The following CRADD variants were observed in gnomAD, a reference collection of about 807,000 sequenced individuals.
CRADD encodes the protein death domain-containing protein CRADD.
A neutral mutation model predicts 15.5 loss-of-function variants in CRADD; 9 were observed. That is an observed-to-expected ratio of 0.58 (90% CI 0.35 to 1.01). CRADD has a LOEUF of 1.01. Ranked by LOEUF, CRADD falls within the 50% of genes least tolerant of loss-of-function variation. The pLI, the probability that CRADD is intolerant of heterozygous loss-of-function variation, is 0.02. For missense variants in CRADD, 227 were observed against 250.3 expected, an observed-to-expected ratio of 0.91 and a Z score of 0.63; for synonymous variants, 118 against 107.6, an observed-to-expected ratio of 1.10 and a Z score of -0.60.
At chr12:93,887,366 G>C (rs536140400) in intron 2 of CRADD, among the ~76,000 whole-genome samples, 70 of 152,302 alleles carry the variant, frequency 4.6e-4, no homozygotes, top group African/African-American at 1.6e-3. Context: ...CTCAATGCCA[G>C]GGCCGCTAAC....
chr12:93,692,190 A>G (rs958143260), intron 2 of CRADD, among the ~76,000 whole-genome samples: 5 of 152,192 alleles, frequency 3.3e-5, no homozygotes, highest in African/African-American at 1.2e-4. Context: ...TGGAGGAGAA[A>G]AAGAATGAAA....
intron 2 of CRADD, among the ~76,000 whole-genome samples, chr12:93,794,136 C>T (rs968602764): frequency 6.6e-6 from 1 of 152,166 alleles, no homozygotes; most frequent in Non-Finnish European, 1.5e-5. Flanking sequence ...TGTGCACCCA[C>T]ATGTTCTCAT....
At chr12:93,751,712 A>G (rs749814635) in intron 2 of CRADD, among the ~76,000 whole-genome samples, 25 of 152,252 alleles carry the variant, frequency 1.6e-4, no homozygotes, top group Non-Finnish European at 3.1e-4. Context: ...TAAAAATACA[A>G]AAATTAGCCA....
chr12:93,709,848 T>G (rs1170662867), intron 2 of CRADD, among the ~76,000 whole-genome samples: 1 of 152,204 alleles, frequency 6.6e-6, no homozygotes, highest in Non-Finnish European at 1.5e-5. Context: ...TTTCCACAAG[T>G]GGTTCATTTT....
At chr12:93,751,255 T>G (rs1956825877) in intron 2 of CRADD, among the ~76,000 whole-genome samples, 1 of 152,182 alleles carries the variant, frequency 6.6e-6, no homozygotes, top group Non-Finnish European at 1.5e-5. Context: ...CGTCAGGAAG[T>G]TCAGCCCTGG....
At chr12:93,893,531 ATTTG>A (rs1231219143) in intron 2 of CRADD, among the ~76,000 whole-genome samples, 2 of 152,216 alleles carry the variant, frequency 1.3e-5, no homozygotes, top group East Asian at 1.9e-4. Context: ...TTTCTAAAGC[ATTTG>A]TTTGTTTTAA....
intron 2 of CRADD, among the ~76,000 whole-genome samples, chr12:93,703,754 G>C (rs1264765403): frequency 6.6e-6 from 1 of 152,044 alleles, no homozygotes; most frequent in African/African-American, 2.4e-5. Context: ...CTTTCACTCA[G>C]CTTCCCCCAA....
intron 2 of CRADD, among the ~76,000 whole-genome samples, chr12:93,693,668 T>G (rs908160101): frequency 1.3e-5 from 2 of 152,032 alleles, no homozygotes; most frequent in Non-Finnish European, 2.9e-5. Context: ...ATACCCCACT[T>G]TCAGTAATGG....
chr12:93,794,465 G>A (rs1228510002), intron 2 of CRADD, among the ~76,000 whole-genome samples: 1 of 151,950 alleles, frequency 6.6e-6, no homozygotes, highest in Non-Finnish European at 1.5e-5. Flanking sequence ...CGAACCTTAG[G>A]CATCACCCTT....
chr12:93,887,619 G>T (rs1958547121), intron 2 of CRADD, among the ~76,000 whole-genome samples: 1 of 151,928 alleles, frequency 6.6e-6, no homozygotes, highest in South Asian at 2.1e-4. Context: ...AGTTTGATTT[G>T]CACATCTGAC....
At chr12:93,885,178 A>C (rs1314469346) in intron 2 of CRADD, among the ~76,000 whole-genome samples, 34 of 152,208 alleles carry the variant, frequency 2.2e-4, no homozygotes, top group Admixed American at 2.2e-3. Context: ...ACCATGACTG[A>C]AAATCCCAAC....
intron 2 of CRADD, among the ~76,000 whole-genome samples, chr12:93,822,236 C>T (rs1165053799): frequency 1.3e-5 from 2 of 152,116 alleles, no homozygotes; most frequent in East Asian, 3.9e-4. Flanking sequence ...TTACTGTGGA[C>T]AGCCAGAGCA....
chr12:93,830,656 G>A (rs1957885440), intron 2 of CRADD, among the ~76,000 whole-genome samples: 1 of 152,152 alleles, frequency 6.6e-6, no homozygotes, highest in Admixed American at 6.5e-5. Flanking sequence ...GCAACACTAA[G>A]TAGGTACTGA....
At chr12:93,695,447 T>C (rs1955680603) in intron 2 of CRADD, among the ~76,000 whole-genome samples, 2 of 151,970 alleles carry the variant, frequency 1.3e-5, no homozygotes, top group South Asian at 4.2e-4. Flanking sequence ...ACAAATACAA[T>C]AGACAAATGG....
At chr12:93,693,624 A>G (rs1473459924) in intron 2 of CRADD, among the ~76,000 whole-genome samples, 1 of 151,982 alleles carries the variant, frequency 6.6e-6, no homozygotes, top group Non-Finnish European at 1.5e-5. Context: ...GAAGGGGGAG[A>G]CAGACTAGAA....
intron 2 of CRADD, among the ~76,000 whole-genome samples, chr12:93,814,473 A>T (rs1565924323): frequency 6.6e-6 from 1 of 152,190 alleles, no homozygotes; most frequent in Non-Finnish European, 1.5e-5. Flanking sequence ...TGTTCGAGGG[A>T]TCTAAATATT....
chr12:93,798,049 G>T (rs1565917918), intron 2 of CRADD, among the ~76,000 whole-genome samples: 1 of 152,180 alleles, frequency 6.6e-6, no homozygotes, highest in Admixed American at 6.5e-5. Flanking sequence ...CATCATTTAA[G>T]CCTCAGTTGA....
chr12:93,701,295 G>GACACACACACACACACACACACAC (rs55986038), intron 2 of CRADD, among the ~76,000 whole-genome samples: 7 of 143,350 alleles, frequency 4.9e-5, no homozygotes, highest in Admixed American at 1.4e-4. Context: ...CTCTCTCTGT[G>GACACACACACACACACACACACAC]ACACACACAC....
chr12:93,768,651 A>G (rs1374972220), intron 2 of CRADD, among the ~76,000 whole-genome samples: 3 of 152,250 alleles, frequency 2.0e-5, no homozygotes, highest in Non-Finnish European at 4.4e-5. Flanking sequence ...TATCATGAAC[A>G]TGTTTTCAAG....
Sources: gnomAD v4.1 joint callset for allele counts (sites outside exome capture counted in the v4.1 genomes callset) on GRCh38, gnomAD v4.1.1 for gene constraint, MANE v1.5 for transcripts, NCBI Gene and HGNC (gene_info 2026-07-23, HGNC 2026-07-21) for gene names.